The following TMPRSS11A variants were observed in gnomAD, a reference collection of about 807,000 sequenced individuals.
TMPRSS11A encodes the protein transmembrane serine protease 11A.
TMPRSS11A carries 53 observed loss-of-function variants against 58.9 expected under a neutral mutation model. The observed-to-expected ratio is 0.90, with a 90% CI of 0.72 to 1.13. The LOEUF is 1.13. Among genes scored for constraint, TMPRSS11A ranks in the 50% most tolerant of loss-of-function variants. The pLI is 0.00. For synonymous variants in TMPRSS11A, 167 were observed against 169.8 expected (o/e 0.98, Z 0.13); for missense variants, 493 against 499.3 (o/e 0.99, Z 0.12).
chr4:67,941,922 G>A (rs755652284), intron 3 of TMPRSS11A, among the ~76,000 whole-genome samples: 5 of 152,028 alleles, frequency 3.3e-5, no homozygotes, highest in Non-Finnish European at 5.9e-5. Context: ...AGAACAACAC[G>A]GTCCATATTA....
At chr4:67,931,127 A>G (rs1720605751) in intron 4 of TMPRSS11A, among the ~76,000 whole-genome samples, 1 of 152,090 alleles carries the variant, frequency 6.6e-6, no homozygotes, top group Non-Finnish European at 1.5e-5. Flanking sequence ...GAAAACAGAA[A>G]ACATGAAATC....
At chr4:67,939,520 T>C (rs111285703) in intron 3 of TMPRSS11A, among the ~76,000 whole-genome samples, 1,653 of 152,284 alleles carry the variant, frequency 0.011, 28 homozygotes, top group African/African-American at 0.037. Flanking sequence ...CCTCCAGCTT[T>C]TGCCCATTCA....
chr4:67,933,423 G>A (rs1485087583), intron 3 of TMPRSS11A, among the ~76,000 whole-genome samples: 2 of 152,120 alleles, frequency 1.3e-5, no homozygotes, highest in Admixed American at 6.6e-5. Flanking sequence ...TAAATGTGAT[G>A]TAAATTTTAC....
chr4:67,933,751 T>C (rs1299503869), intron 3 of TMPRSS11A, among the ~76,000 whole-genome samples: 1 of 151,968 alleles, frequency 6.6e-6, no homozygotes, highest in Non-Finnish European at 1.5e-5. Context: ...AGTATGGAGG[T>C]GAGGGATTCC....
chr4:67,919,063 T>C lies in TMPRSS11A; in HGVS notation c.862A>G (p.Ile288Val), dbSNP rs758046992. ...GCTTCTGGCAAACAAATCTGGCGTA[T>C]GTCATCCGAAAAGGTGACTCTGGAA... ...VSSRVTFSDD[I>V]RQICLPEASA... is the part of the protein sequence containing the mutation. Residue 288 changes from isoleucine (I) to valine (V), a missense_variant, in exon 8 of 10, where the codon ATA becomes GTA. Ile to Val is a conservative substitution (Grantham distance 29). Transcript: ENST00000508048. The C allele has an allele frequency of 3.1e-6, 5 of 1,614,186 alleles. No individual in the cohort carries two copies. In the South Asian group the frequency reaches 5.5e-5, roughly 18 times the overall value.
intron 3 of TMPRSS11A, among the ~76,000 whole-genome samples, chr4:67,934,160 A>G (rs1443510897): frequency 6.6e-6 from 1 of 152,194 alleles, no homozygotes; most frequent in Non-Finnish European, 1.5e-5. Flanking sequence ...AGTCTCATTT[A>G]CTACATCGGA....
At chr4:67,926,085 G>C (rs542043591) in intron 5 of TMPRSS11A, among the ~76,000 whole-genome samples, 1 of 152,306 alleles carries the variant, frequency 6.6e-6, no homozygotes, top group African/African-American at 2.4e-5. Flanking sequence ...TAGACTACAA[G>C]TATCATGATG....
chr4:67,961,504 T>C (rs1221667688), intron 1 of TMPRSS11A, among the ~76,000 whole-genome samples: 324 of 20,206 alleles, frequency 0.016, 32 homozygotes, highest in South Asian at 0.029. Context: ...TTTTTTTTTT[T>C]TTTTTTTTTT....
chr4:67,935,306 C>T (rs1483706972), intron 3 of TMPRSS11A, among the ~76,000 whole-genome samples: 1 of 152,180 alleles, frequency 6.6e-6, no homozygotes, highest in Non-Finnish European at 1.5e-5. Context: ...TTCCTGCATA[C>T]TCACGCCTCT....
intron 4 of TMPRSS11A, among the ~76,000 whole-genome samples, chr4:67,931,544 T>G (rs958098376): frequency 2.6e-5 from 4 of 152,236 alleles, no homozygotes; most frequent in African/African-American, 9.6e-5. Context: ...TAGGCATGCC[T>G]TATGTCATTC....
chr4:67,920,289 G>A (rs980673396), intron 7 of TMPRSS11A, among the ~76,000 whole-genome samples: 11 of 151,994 alleles, frequency 7.2e-5, no homozygotes, highest in Non-Finnish European at 1.3e-4. Flanking sequence ...ATATCTGCCT[G>A]CCTCTCTCTG....
chr4:67,954,986 T>A (rs932815115), intron 1 of TMPRSS11A, among the ~76,000 whole-genome samples: 1 of 152,228 alleles, frequency 6.6e-6, no homozygotes, highest in Non-Finnish European at 1.5e-5. Flanking sequence ...TTATTATTAT[T>A]ACAGACTTGA....
At chr4:67,937,476 GAGA>G (rs1438430705) in intron 3 of TMPRSS11A, among the ~76,000 whole-genome samples, 1 of 152,176 alleles carries the variant, frequency 6.6e-6, no homozygotes, top group African/African-American at 2.4e-5. Context: ...AATGAAATGA[GAGA>G]AGAATTGATT....
At chr4:67,929,760 A>G in intron 5 of TMPRSS11A, 120 bp downstream of exon 5, 1 of 995,786 alleles carries the variant, frequency 1.0e-6, no homozygotes, top group East Asian at 2.4e-5. Flanking sequence ...TTTAACTTGA[A>G]TTTTTTCATC....
At chr4:67,946,615 C>A in intron 1 of TMPRSS11A, 44 bp from the exon 2 acceptor site, 1 of 1,574,962 alleles carries the variant, frequency 6.3e-7, no homozygotes, top group Non-Finnish European at 8.6e-7. Flanking sequence ...GATAGCAATG[C>A]TTGCAGGTTT....
chr4:67,944,860 G>T (rs1375252984), intron 2 of TMPRSS11A, among the ~76,000 whole-genome samples: 1 of 151,994 alleles, frequency 6.6e-6, no homozygotes, highest in Non-Finnish European at 1.5e-5. Context: ...TTATGTATTA[G>T]CCCATTTAAT....
chr4:67,945,473 A>G (rs1415243490), intron 2 of TMPRSS11A, among the ~76,000 whole-genome samples: 1 of 152,202 alleles, frequency 6.6e-6, no homozygotes, highest in East Asian at 1.9e-4. Flanking sequence ...ACATTTTTGG[A>G]CATCCTGATT....
intron 3 of TMPRSS11A, among the ~76,000 whole-genome samples, chr4:67,935,691 A>G (rs116680009): frequency 6.6e-6 from 1 of 152,184 alleles, no homozygotes; most frequent in Non-Finnish European, 1.5e-5. Context: ...ACAAATTGAT[A>G]AAAAGGTGAG....
chr4:67,944,076 T>C (rs1322193311), intron 3 of TMPRSS11A, among the ~76,000 whole-genome samples: 2 of 152,158 alleles, frequency 1.3e-5, no homozygotes, highest in East Asian at 1.9e-4. Context: ...TTTGTCTTTA[T>C]CAATATACTT....
Sources: allele counts gnomAD v4.1 joint callset (sites outside exome capture counted in the v4.1 genomes callset), GRCh38; gene constraint gnomAD v4.1.1; transcripts MANE v1.5; gene names NCBI Gene and HGNC (gene_info 2026-07-23, HGNC 2026-07-21).